The following ROBO2 variants were observed in gnomAD, a reference collection of about 807,000 sequenced individuals.
ROBO2 encodes roundabout homolog 2.
Under a neutral mutation model 160.8 loss-of-function variants are expected in ROBO2, and 53 were observed. The ratio of observed to expected loss-of-function variants is 0.33; its 90% confidence interval spans 0.26 to 0.41. The LOEUF is 0.41. ROBO2 is among the 10% of genes least tolerant of loss of function. ROBO2 has a pLI of 1.00. For synonymous variants in ROBO2, 664 were observed against 611.7 expected (o/e 1.09, Z -1.26); for missense variants, 1,577 against 1,722.4 (o/e 0.92, Z 1.49).
intron 2 of ROBO2, among the ~76,000 whole-genome samples, chr3:76,625,178 C>T (rs1440309308): frequency 6.6e-6 from 1 of 152,098 alleles, no homozygotes; most frequent in African/African-American, 2.4e-5. Context: ...TAATAAAATT[C>T]CCTGTTATAT....
intron 2 of ROBO2, among the ~76,000 whole-genome samples, chr3:76,177,685 A>G (rs2073279568): frequency 6.6e-6 from 1 of 152,104 alleles, no homozygotes; most frequent in Non-Finnish European, 1.5e-5. Context: ...TCCCACTCCA[A>G]AGTCAGTCTA....
chr3:77,540,476 G>C (rs1403221124), intron 6 of ROBO2, among the ~76,000 whole-genome samples: 1 of 151,588 alleles, frequency 6.6e-6, no homozygotes, highest in East Asian at 2.0e-4. Context: ...TAAGAAAGCT[G>C]TATTTCTTGC....
intron 2 of ROBO2, among the ~76,000 whole-genome samples, chr3:77,219,824 T>G (rs141209013): frequency 3.7e-4 from 56 of 151,436 alleles, no homozygotes; most frequent in Non-Finnish European, 6.3e-4. Context: ...TGTAGAAAAT[T>G]TGTAGATCTT....
chr3:76,844,807 G>A (rs2068628417), intron 2 of ROBO2, among the ~76,000 whole-genome samples: 1 of 151,824 alleles, frequency 6.6e-6, no homozygotes, highest in South Asian at 2.1e-4. Flanking sequence ...AAAAACCTAG[G>A]TCTTTATAAA....
intron 2 of ROBO2, among the ~76,000 whole-genome samples, chr3:76,261,065 A>G (rs1180590658): frequency 2.0e-5 from 3 of 152,070 alleles, no homozygotes; most frequent in African/African-American, 4.8e-5. Flanking sequence ...AGATAATTGT[A>G]TGATTTTGAG....
chr3:77,586,484 T>G (rs1474365038), intron 16 of ROBO2, among the ~76,000 whole-genome samples: 1 of 152,136 alleles, frequency 6.6e-6, no homozygotes, highest in Admixed American at 6.6e-5. Context: ...ATGAAGACAT[T>G]ATATTTCATT....
At chr3:76,491,327 C>T (rs2079813678) in intron 2 of ROBO2, among the ~76,000 whole-genome samples, 1 of 152,152 alleles carries the variant, frequency 6.6e-6, no homozygotes, top group African/African-American at 2.4e-5. Flanking sequence ...TATCCCATTC[C>T]ATGCTCAGTC....
Position 76,862,023 on chromosome 3 carries a change from T to A in ROBO2, c.110-235991T>A, listed in dbSNP as rs370101846. On this transcript the variant is annotated intron_variant, in intron 2 of 26. Transcript: ENST00000487694. ...TCAAGAACAAAGAGAACTCCAGTCA[T>A]CTCTTCTATAAGTTCTGGCTGTAGT... Among the ~76,000 whole-genome samples the A allele has an allele frequency of 7.6e-4, 116 of 151,820 alleles. 1 individual carries two copies. The highest frequency in any genetic ancestry group is 2.7e-3 in the African/African-American group (112 of 41,360).
intron 1 of ROBO2, among the ~76,000 whole-genome samples, chr3:75,921,355 TACAC>T (rs140153801): frequency 6.6e-6 from 1 of 151,128 alleles, no homozygotes; most frequent in African/African-American, 2.4e-5. Context: ...GTGATATACA[TACAC>T]ACACACACAC....
chr3:76,238,608 T>G (rs536850866), intron 2 of ROBO2, among the ~76,000 whole-genome samples: 43 of 149,988 alleles, frequency 2.9e-4, no homozygotes, highest in African/African-American at 1.1e-3. Context: ...ACCTCCATGA[T>G]CTAATCACCT....
chr3:77,316,194 G>C (rs1438529813), intron 2 of ROBO2, among the ~76,000 whole-genome samples: 4 of 152,054 alleles, frequency 2.6e-5, no homozygotes, highest in African/African-American at 9.7e-5. Context: ...TGAATTATTG[G>C]CTTCATCACA....
intron 2 of ROBO2, among the ~76,000 whole-genome samples, chr3:76,501,285 A>G (rs370766150): frequency 2.1e-4 from 32 of 152,180 alleles, no homozygotes; most frequent in African/African-American, 6.5e-4. Context: ...TTGTCTTCTC[A>G]AGGGAGGGAT....
At chr3:76,452,891 A>G (rs1001816741) in intron 2 of ROBO2, among the ~76,000 whole-genome samples, 96 of 152,062 alleles carry the variant, frequency 6.3e-4, no homozygotes, top group African/African-American at 2.2e-3. Flanking sequence ...ATGGTATCTC[A>G]TTGTGGTTTT....
intron 2 of ROBO2, among the ~76,000 whole-genome samples, chr3:77,177,119 T>G (rs1320935164): frequency 6.6e-6 from 1 of 152,042 alleles, no homozygotes; most frequent in Non-Finnish European, 1.5e-5. Context: ...CACTTTGCAC[T>G]AAAACTTTGG....
rs1037683099 is a variant in ROBO2, at chr3:77,329,483, A to G, written c.389-147931A>G. The stretch of plus-strand genomic sequence containing the variant: ...GTTACACAGAATAACCTTCACATTA[A>G]GAGTAATCCTGCACCATTTATGAAA... On this transcript the variant is annotated intron_variant, in intron 2 of 25. Coordinates refer to ENST00000461745, the Ensembl canonical transcript of ROBO2. Among the ~76,000 whole-genome samples, 11 of 152,218 alleles carry G rather than the reference A, an allele frequency of 7.2e-5. 1 individual carries two copies. Among genetic ancestry groups the G allele is most frequent in the Admixed American group, 5.2e-4 (8 of 15,284 alleles).
At chr3:77,230,096 G>GTTTTTTTT (rs531019924) in intron 2 of ROBO2, among the ~76,000 whole-genome samples, 1 of 146,596 alleles carries the variant, frequency 6.8e-6, no homozygotes, top group African/African-American at 2.5e-5. Flanking sequence ...ATGCTAGACA[G>GTTTTTTTT]TTTTTTTTTT....
At chr3:76,847,293 G>T (rs576866385) in intron 2 of ROBO2, among the ~76,000 whole-genome samples, 6 of 152,194 alleles carry the variant, frequency 3.9e-5, no homozygotes, top group Admixed American at 2.0e-4. Flanking sequence ...TGTGAGGATG[G>T]GTTTAATGAG....
intron 6 of ROBO2, among the ~76,000 whole-genome samples, chr3:77,532,208 T>G (rs1354175566): frequency 1.3e-4 from 20 of 151,906 alleles, no homozygotes; most frequent in Admixed American, 1.2e-3. Flanking sequence ...ACTCTCACAC[T>G]TCTTTCTTTT....
intron 1 of ROBO2, among the ~76,000 whole-genome samples, chr3:75,931,116 T>C (rs1025776927): frequency 1.6e-4 from 24 of 152,310 alleles, no homozygotes; most frequent in African/African-American, 5.8e-4. Flanking sequence ...TTATCCCTTT[T>C]GTGCTTCATC....
Sources: gnomAD v4.1 joint callset for allele counts (sites outside exome capture counted in the v4.1 genomes callset) on GRCh38, gnomAD v4.1.1 for gene constraint, MANE v1.5 for transcripts, NCBI Gene and HGNC (gene_info 2026-07-23, HGNC 2026-07-21) for gene names.